Variants in UNC5B observed in about 807,000 individuals in gnomAD.
The protein encoded by UNC5B is unc-5 netrin receptor B, also known as netrin receptor UNC5B.
A neutral mutation model predicts 103.7 loss-of-function variants in UNC5B; 56 were observed. The ratio of observed to expected loss-of-function variants is 0.54; its 90% CI spans 0.44 to 0.67. UNC5B has a LOEUF of 0.67. UNC5B is among the 30% of genes least tolerant of loss of function. The pLI, the probability that UNC5B is intolerant of heterozygous loss-of-function variation, is 0.00. For missense variants in UNC5B, 1,194 were observed against 1,284.5 expected (o/e 0.93, Z 1.08); for synonymous variants, 577 against 542.0 (o/e 1.06, Z -0.90).
At position 71,299,627 on chromosome 10, in the gene UNC5B, G is replaced by A. The variant is rs1197768954; in HGVS notation, c.*350G>A. On this transcript the variant is annotated 3_prime_UTR_variant, in exon 17 of 17. Transcript: ENST00000335350. The stretch of plus-strand genomic sequence containing the variant: ...CCACCCTCAGCCCGGCAACTTCTGG[G>A]TTCCATGGGTTTTAGTTCCGTTCTC... 1.3e-5 allele frequency: 3 copies of A among 231,138 alleles called. No homozygotes were observed. Among genetic ancestry groups the A allele is most frequent in the Admixed American group, 5.2e-5 (1 of 19,072 alleles). The allele number at this position is 231,138 out of a possible 1,614,324, so 14.3% of individuals were successfully genotyped here. A position where few individuals can be genotyped will look rare whatever the true frequency, so the allele number is the denominator to read the frequency against.
At chr10:71,246,826 G>A (rs1420069058) in intron 1 of UNC5B, among the ~76,000 whole-genome samples, 4 of 152,216 alleles carry the variant, frequency 2.6e-5, no homozygotes, top group African/African-American at 9.7e-5. Flanking sequence ...GGGGAGCAGA[G>A]GGCGGCTGAC....
At chr10:71,268,259 G>T (rs992115106) in intron 1 of UNC5B, among the ~76,000 whole-genome samples, 3 of 152,190 alleles carry the variant, frequency 2.0e-5, no homozygotes, top group Admixed American at 6.5e-5. Flanking sequence ...TGTTTATCTC[G>T]CCCATTTGCC....
chr10:71,266,193 G>C (rs1476220269), intron 1 of UNC5B, among the ~76,000 whole-genome samples: 4 of 152,116 alleles, frequency 2.6e-5, no homozygotes, highest in Admixed American at 2.6e-4. Context: ...GCAGCTGTGA[G>C]GGGAACCAGG....
At chr10:71,293,337 G>A (rs995648889) in intron 11 of UNC5B, 68 bp from the exon 12 acceptor site, 29 of 1,518,852 alleles carry the variant, frequency 1.9e-5, no homozygotes, top group Admixed American at 8.2e-5. Flanking sequence ...AGACTTGGGA[G>A]CCCAGCAGGA....
At chr10:71,272,500 TG>T (rs1438277808) in intron 1 of UNC5B, among the ~76,000 whole-genome samples, 1 of 152,144 alleles carries the variant, frequency 6.6e-6, no homozygotes, top group Non-Finnish European at 1.5e-5. Flanking sequence ...TGGACCCGGC[TG>T]AGATGGATAG....
chr10:71,265,122 G>A (rs1191636516), intron 1 of UNC5B, among the ~76,000 whole-genome samples: 2 of 152,210 alleles, frequency 1.3e-5, no homozygotes, highest in African/African-American at 4.8e-5. Flanking sequence ...ACCAGAAAGA[G>A]TTGCGGGGAG....
intron 1 of UNC5B, among the ~76,000 whole-genome samples, chr10:71,241,391 ACCT>A (rs961214972): frequency 1.3e-5 from 2 of 151,848 alleles, no homozygotes; most frequent in African/African-American, 2.4e-5. Context: ...ACACATGAAG[ACCT>A]CCTCAAATGC....
chr10:71,238,386 T>A (rs2132256648), intron 1 of UNC5B, among the ~76,000 whole-genome samples: 1 of 152,298 alleles, frequency 6.6e-6, no homozygotes, highest in East Asian at 1.9e-4. Context: ...TCACACTCAC[T>A]CCTGTTCTCA....
chr10:71,235,352 A>G (rs955484610), intron 1 of UNC5B, among the ~76,000 whole-genome samples: 5 of 152,162 alleles, frequency 3.3e-5, no homozygotes, highest in African/African-American at 1.2e-4. Flanking sequence ...CTGAGCCCCC[A>G]CTGTAGCCAG....
At chr10:71,248,325 G>A (rs1312822172) in intron 1 of UNC5B, among the ~76,000 whole-genome samples, 11 of 152,086 alleles carry the variant, frequency 7.2e-5, no homozygotes, top group South Asian at 2.1e-4. Context: ...GAGCCTATAC[G>A]GCCAGGAGGG....
intron 1 of UNC5B, among the ~76,000 whole-genome samples, chr10:71,228,376 A>G (rs965624264): frequency 6.7e-6 from 1 of 150,302 alleles, no homozygotes; most frequent in Non-Finnish European, 1.5e-5. Flanking sequence ...ACATTTTTAA[A>G]TTTTCGACAA....
chr10:71,257,201 T>C (rs1844310630), intron 1 of UNC5B, among the ~76,000 whole-genome samples: 1 of 152,102 alleles, frequency 6.6e-6, no homozygotes, highest in Admixed American at 6.5e-5. Context: ...CACCCCCGGA[T>C]CCCACCTAGC....
chr10:71,297,950 C>A lies in UNC5B; in HGVS notation c.2532C>A (p.Gly844=). The A allele has an allele frequency of 3.1e-6, 5 of 1,613,870 alleles. No individual in the cohort carries two copies. The highest frequency in any genetic ancestry group is 1.1e-5 in the South Asian group (1 of 91,060). The change falls in exon 16 of 17, where the codon GGC becomes GGA. Residue 844 remains glycine, a synonymous_variant. Transcript: ENST00000335350. ...GSLDTLCSAP[G]STVTTQLGPY... ...TGGACACTCTCTGCTCTGCCCCTGG[C>A]AGCACTGTCACCACCCAGCTGGGAC...
At chr10:71,273,961 T>C (rs1844705678) in intron 1 of UNC5B, among the ~76,000 whole-genome samples, 1 of 152,218 alleles carries the variant, frequency 6.6e-6, no homozygotes, top group Non-Finnish European at 1.5e-5. Context: ...TGCAAAACTG[T>C]GTCTTCTAGA....
At chr10:71,231,026 A>C (rs1843671071) in intron 1 of UNC5B, among the ~76,000 whole-genome samples, 1 of 152,356 alleles carries the variant, frequency 6.6e-6, no homozygotes, top group Admixed American at 6.5e-5. Context: ...CAGAGATGCT[A>C]CAGCAAGGCA....
intron 1 of UNC5B, among the ~76,000 whole-genome samples, chr10:71,241,596 C>T (rs1038859517): frequency 1.3e-5 from 2 of 152,086 alleles, no homozygotes; most frequent in Non-Finnish European, 2.9e-5. Flanking sequence ...AGCTCTGTCC[C>T]TGGGAGGCTG....
intron 1 of UNC5B, among the ~76,000 whole-genome samples, chr10:71,223,504 GC>G (rs1843491433): frequency 6.6e-6 from 1 of 152,094 alleles, no homozygotes. Context: ...GGAAGCCAGA[GC>G]CAAATCTTCA....
intron 13 of UNC5B, 83 bp downstream of exon 13, chr10:71,294,016 G>T: frequency 7.7e-7 from 1 of 1,295,126 alleles, no homozygotes; most frequent in Non-Finnish European, 1.0e-6. Context: ...CAGGCTCATG[G>T]GTCCTCCCAG....
At chr10:71,226,327 G>C (rs112997329) in intron 1 of UNC5B, among the ~76,000 whole-genome samples, 2 of 152,074 alleles carry the variant, frequency 1.3e-5, no homozygotes, top group Admixed American at 1.3e-4. Context: ...CGCTTGCCTC[G>C]GCCTCCCAAA....
Sources: gnomAD v4.1 joint callset for allele counts (sites outside exome capture counted in the v4.1 genomes callset) on GRCh38, gnomAD v4.1.1 for gene constraint, MANE v1.5 for transcripts, NCBI Gene and HGNC (gene_info 2026-07-23, HGNC 2026-07-21) for gene names.